Variants in TSPEAR observed in about 807,000 individuals in gnomAD.
The protein encoded by TSPEAR is thrombospondin type laminin G domain and EAR repeats, also known as thrombospondin-type laminin G domain and EAR repeat-containing protein.
In TSPEAR, 69 loss-of-function variants were observed where a neutral mutation model predicts 71.6. The observed-to-expected ratio is 0.96, with a 90% confidence interval of 0.79 to 1.18. The LOEUF (loss-of-function observed/expected upper bound fraction) is 1.18. Ranked by LOEUF, TSPEAR falls within the 50% of genes most tolerant of loss-of-function variation. The pLI, the probability that TSPEAR is intolerant of heterozygous loss-of-function variation, is 0.00. For missense variants in TSPEAR, 971 were observed against 894.9 expected (o/e 1.09, Z -1.09); for synonymous variants, 402 against 387.2 (o/e 1.04, Z -0.45).
intron 1 of TSPEAR, chr21:44,677,627 C>G (rs1398007658): frequency 8.6e-7 from 1 of 1,159,914 alleles, no homozygotes; most frequent in African/African-American, 1.5e-5. Context: ...TTAAAGATTC[C>G]TCATGCTGAA....
At chr21:44,551,203 G>A in intron 2 of TSPEAR, 1 of 1,584,872 alleles carries the variant, frequency 6.3e-7, no homozygotes, top group South Asian at 1.1e-5. Context: ...CAAGCCGGCT[G>A]GCAGCTAGAC....
intron 1 of TSPEAR, among the ~76,000 whole-genome samples, chr21:44,704,356 T>C (rs1477530599): frequency 1.3e-5 from 2 of 152,002 alleles, no homozygotes; most frequent in African/African-American, 4.8e-5. Context: ...AGCCTGTCAG[T>C]CCAGACTTTA....
At chr21:44,570,039 A>C (rs868910019) in intron 1 of TSPEAR, among the ~76,000 whole-genome samples, 2 of 152,126 alleles carry the variant, frequency 1.3e-5, no homozygotes, top group African/African-American at 4.8e-5. Flanking sequence ...ACACTGCTGC[A>C]CAGCACTGCC....
chr21:44,634,622 T>C (rs78850196), intron 1 of TSPEAR, among the ~76,000 whole-genome samples: 1,594 of 152,234 alleles, frequency 0.01, 38 homozygotes, highest in African/African-American at 0.036. Flanking sequence ...TAAAGAACTC[T>C]TATAATTCAA....
chr21:44,567,690 A>T, intron 2 of TSPEAR, 95 bp downstream of exon 2: 2 of 1,093,208 alleles, frequency 1.8e-6, no homozygotes, highest in Admixed American at 6.3e-5. Context: ...GTCCTTGACA[A>T]ATGCCGCCCC....
At chr21:44,654,249 C>T (rs781929130) in intron 1 of TSPEAR, 3 of 1,588,940 alleles carry the variant, frequency 1.9e-6, no homozygotes, top group Non-Finnish European at 1.7e-6. Flanking sequence ...GACCTCGCAC[C>T]TACGAGGGTC....
rs1306732833 is a variant in TSPEAR at position 44,676,994 on chromosome 21, C to T, written c.82+34439G>A. 4.3e-6 allele frequency: 4 copies of T among 919,780 alleles called. No individual in the cohort carries two copies. In the African/African-American group the frequency reaches 6.5e-5, roughly 15 times the overall value. The allele number at this position is 919,780 out of a possible 1,614,324, so 57.0% of individuals were successfully genotyped here. ...TCCGAAACGCTCATTCCTTTCCACC[C>T]AGGAAGGACTTCTGGAGTAATACTG... On this transcript the variant is annotated intron_variant, in intron 1 of 11. Transcript: ENST00000323084.
rs187085027 is a variant in TSPEAR at position 44,608,013 on chromosome 21, T to C, written c.83-40008A>G. ...GAAATTCCAGGAAAGACAAACCTATTTGAGACACAGAGGAGATCAGTCGTT... is the reference window on the plus strand; with the variant it reads ...GAAATTCCAGGAAAGACAAACCTATCTGAGACACAGAGGAGATCAGTCGTT... On this transcript the variant is annotated intron_variant, in intron 1 of 11. Coordinates refer to ENST00000323084, the MANE Select transcript of TSPEAR (RefSeq NM_144991.3). Among the ~76,000 whole-genome samples, 35 of 152,262 alleles carry C rather than the reference T, an allele frequency of 2.3e-4. No homozygotes were observed. The East Asian group carries it at 4.2e-3, about 18-fold the overall frequency.
At chr21:44,558,338 C>T (rs1569185312) in intron 2 of TSPEAR, 1 of 1,613,464 alleles carries the variant, frequency 6.2e-7, no homozygotes, top group African/African-American at 1.3e-5. Flanking sequence ...AGCAGACGGG[C>T]ACACAGCAGA....
chr21:44,502,274 G>C lies in TSPEAR; in HGVS notation c.1857-2338C>G, dbSNP rs587752587. On this transcript the variant is annotated intron_variant, in intron 11 of 11. Coordinates refer to ENST00000323084, the MANE Select transcript of TSPEAR (RefSeq NM_144991.3). ...AGGTGGGACAGCTGCCACTTCTGCCGCCATCCAAGATTGTTCTGGAATCTT... is the reference window on the plus strand; with the variant it reads ...AGGTGGGACAGCTGCCACTTCTGCCCCCATCCAAGATTGTTCTGGAATCTT... Among the ~76,000 whole-genome samples, 5 of 152,266 alleles carry C rather than the reference G, an allele frequency of 3.3e-5. 1 individual carries two copies. Among genetic ancestry groups the C allele is most frequent in the Admixed American group, 6.5e-5 (1 of 15,300 alleles).
At chr21:44,587,378 T>C (rs781894094) in intron 1 of TSPEAR, among the ~76,000 whole-genome samples, 1 of 152,164 alleles carries the variant, frequency 6.6e-6, no homozygotes, top group Non-Finnish European at 1.5e-5. Flanking sequence ...ACTGCTAAAA[T>C]AAATCACAGA....
At chr21:44,648,651 T>C (rs1984584679) in intron 1 of TSPEAR, among the ~76,000 whole-genome samples, 1 of 152,076 alleles carries the variant, frequency 6.6e-6, no homozygotes, top group African/African-American at 2.4e-5. Flanking sequence ...GCACCAACAT[T>C]GCTGAGGCCA....
intron 1 of TSPEAR, chr21:44,573,819 G>A (rs781951691): frequency 1.2e-6 from 2 of 1,614,222 alleles, no homozygotes; most frequent in Admixed American, 1.7e-5. Flanking sequence ...TGGTTCCTGT[G>A]ACTCTTGCTC....
intron 1 of TSPEAR, chr21:44,627,116 GAC>G (rs1480846169): frequency 1.9e-6 from 3 of 1,582,014 alleles, no homozygotes; most frequent in African/African-American, 2.7e-5. Flanking sequence ...CTCACTCACT[GAC>G]ACACTCACAC....
At chr21:44,639,794 C>T (rs1223512833) in intron 1 of TSPEAR, among the ~76,000 whole-genome samples, 2 of 152,134 alleles carry the variant, frequency 1.3e-5, no homozygotes, top group African/African-American at 4.8e-5. Flanking sequence ...CTGACCTCCT[C>T]CACATTTGCC....
intron 1 of TSPEAR, among the ~76,000 whole-genome samples, chr21:44,659,299 A>ATGATACACCCTAAGCACAAGCAC (rs1481041056): frequency 4.6e-5 from 1 of 21,710 alleles, no homozygotes; most frequent in Non-Finnish European, 7.4e-5. Context: ...ACAAGCACTG[A>ATGATACACCCTAAGCACAAGCAC]TGATACACCC....
chr21:44,705,014 A>C (rs1010297586), intron 1 of TSPEAR, among the ~76,000 whole-genome samples: 1 of 152,188 alleles, frequency 6.6e-6, no homozygotes, highest in Non-Finnish European at 1.5e-5. Flanking sequence ...CTCAGCCCCT[A>C]ACCCCCTGTT....
In TSPEAR at chr21:44,605,472, C is replaced by T. The variant is rs115952572; in HGVS notation, c.83-37467G>A. Among the ~76,000 whole-genome samples the T allele has an allele frequency of 3.1e-3, 474 of 152,218 alleles. 3 individuals carry two copies. The highest frequency in any genetic ancestry group is 0.011 in the African/African-American group (452 of 41,506). On this transcript the variant is annotated intron_variant, in intron 1 of 11. Transcript: ENST00000323084. The stretch of plus-strand genomic sequence containing the variant: ...GAACAATCCCAAAATTCATATGAAA[C>T]CATAAAAGACTCTGAATAGCCAACA...
Position 44,499,720 on chromosome 21 carries a change from T to A in TSPEAR, c.*63A>T. The A allele has an allele frequency of 6.7e-7, 1 of 1,482,678 alleles. No homozygotes were observed. The highest frequency in any genetic ancestry group is 2.6e-5 in the East Asian group (1 of 38,494). The allele number at this position is 1,482,678 out of a possible 1,614,324, so 91.8% of individuals were successfully genotyped here. Reference sequence around the variant, plus strand: ...GCCCACCTGGACGTCCAGGGTCAGTTGGGGGAGGTGCTGGGGTCCCGCCCC... The same window carrying A: ...GCCCACCTGGACGTCCAGGGTCAGTAGGGGGAGGTGCTGGGGTCCCGCCCC... On this transcript the variant is annotated 3_prime_UTR_variant, in exon 12 of 12. Coordinates refer to ENST00000323084, the MANE Select transcript of TSPEAR (RefSeq NM_144991.3).
Sources: gnomAD v4.1 joint callset for allele counts (sites outside exome capture counted in the v4.1 genomes callset) on GRCh38, gnomAD v4.1.1 for gene constraint, MANE v1.5 for transcripts, NCBI Gene and HGNC (gene_info 2026-07-23, HGNC 2026-07-21) for gene names.